ENPP3: variants seen among roughly 807,000 people sequenced by gnomAD.
ENPP3 encodes the protein ectonucleotide pyrophosphatase/phosphodiesterase 3.
A neutral mutation model predicts 117.8 loss-of-function variants in ENPP3; 104 were observed. That is an observed-to-expected ratio of 0.88 (90% CI 0.75 to 1.04). The LOEUF (loss-of-function observed/expected upper bound fraction) is 1.04. Among genes scored for constraint, ENPP3 ranks in the 50% least tolerant of loss-of-function variants. The probability of loss-of-function intolerance (pLI) is 0.00; values close to 1 mark genes in which losing one functional copy is unlikely to be tolerated. For synonymous variants in ENPP3, 380 were observed against 349.9 expected, an observed-to-expected ratio of 1.09 and a Z score of -0.96; for missense variants, 1,026 against 1,051.9, an observed-to-expected ratio of 0.98 and a Z score of 0.34.
At chr6:131,651,280 G>C (rs1300045579) in intron 3 of ENPP3, among the ~76,000 whole-genome samples, 1 of 152,096 alleles carries the variant, frequency 6.6e-6, no homozygotes, top group Non-Finnish European at 1.5e-5. Context: ...TGGGGGTTGG[G>C]ACTTCAACAT....
rs182901729 is a variant in ENPP3 at position 131,741,176 on chromosome 6, A to G, written c.2457+796A>G. ...TTCGACTTGCATATAAATTCCTTAT[A>G]GAAAAAATATGTATCCTGGAACTTA... On this transcript the variant is annotated intron_variant, in intron 24 of 24. Transcript: ENST00000357639. Among the ~76,000 whole-genome samples the G allele has an allele frequency of 1.4e-3, 213 of 152,360 alleles. 2 individuals carry two copies. The highest frequency in any genetic ancestry group is 5.0e-3 in the African/African-American group (208 of 41,588).
At chr6:131,739,825 C>T (rs1358226274) in intron 23 of ENPP3, among the ~76,000 whole-genome samples, 3 of 151,332 alleles carry the variant, frequency 2.0e-5, no homozygotes, top group Non-Finnish European at 2.9e-5. Context: ...CATGCCAACA[C>T]GTTGAGAGGC....
intron 15 of ENPP3, chr6:131,701,177 G>A (rs1779519723): frequency 2.3e-6 from 2 of 870,432 alleles, no homozygotes; most frequent in Non-Finnish European, 3.6e-6. Context: ...GGGGCACCGT[G>A]TTGCAGGCGT....
Position 131,726,158 on chromosome 6 carries a change from T to C in ENPP3, c.1911T>C (p.Ala637=). The part of the protein sequence containing the change: ...HREYVSGFGK[A]MRMPMWSSYT... ...AATATGTCAGTGGATTTGGAAAAGC[T>C]ATGAGGATGCCCATGTGGAGTTCAT... The change falls in exon 20 of 25, where the codon GCT becomes GCC. Residue 637 remains alanine, a synonymous_variant. Coordinates refer to ENST00000357639, the MANE Select transcript of ENPP3 (RefSeq NM_005021.5). 6.2e-7 allele frequency: 1 copy of C among 1,614,054 alleles called. No individual in the cohort carries two copies. Among genetic ancestry groups the C allele is most frequent in the Middle Eastern group, 1.6e-4 (1 of 6,062 alleles).
At chr6:131,683,483 G>A (rs970305852) in intron 12 of ENPP3, among the ~76,000 whole-genome samples, 12 of 152,074 alleles carry the variant, frequency 7.9e-5, no homozygotes, top group South Asian at 2.1e-4. Context: ...GCCATGATTC[G>A]TTTATGTAGA....
chr6:131,737,515 G>A (rs1780424784), intron 22 of ENPP3, 83 bp downstream of exon 22: 2 of 793,648 alleles, frequency 2.5e-6, no homozygotes, highest in Non-Finnish European at 4.2e-6. Flanking sequence ...TTTTTTAATT[G>A]CAATTTGTTC....
chr6:131,641,798 G>GGTTTTTTTTTTTTTTTTTTTTTT (rs1778047997), intron 2 of ENPP3, among the ~76,000 whole-genome samples: 1 of 88,386 alleles, frequency 1.1e-5, no homozygotes. Context: ...TCTCCACCCT[G>GGTTTTTTTTTTTTTTTTTTTTTT]GTTTTTTTTT....
intron 21 of ENPP3, among the ~76,000 whole-genome samples, chr6:131,736,134 C>T (rs1359491043): frequency 1.3e-5 from 2 of 152,200 alleles, no homozygotes; most frequent in Non-Finnish European, 2.9e-5. Context: ...CTGTGAGCAG[C>T]GGAGCTGGGG....
intron 5 of ENPP3, among the ~76,000 whole-genome samples, chr6:131,654,313 A>G (rs1562430786): frequency 6.6e-6 from 1 of 151,046 alleles, no homozygotes; most frequent in East Asian, 1.9e-4. Flanking sequence ...ATTTTTTTGT[A>G]TTTTTTTTGT....
rs765360414 is a variant in ENPP3 at position 131,726,197 on chromosome 6, G to C, written c.1950G>C (p.Gln650His). The change falls in exon 20 of 25, where the codon CAG becomes CAC. Residue 650 changes from glutamine (Q) to histidine (H), a missense_variant. Physicochemically the swap from Gln to His is conservative, Grantham distance 24 (BLOSUM62 0). Coordinates refer to ENST00000357639, the MANE Select transcript of ENPP3 (RefSeq NM_005021.5). ...TGTGGAGTTCATACACAGTCCCCCA[G>C]TTGGTAAGTTCCTGAGTCCATTGAT... is the stretch of plus-strand genomic sequence containing the variant. ...MPMWSSYTVP[Q>H]LGDTSPLPPT... is the part of the protein sequence containing the mutation. 1.6e-5 allele frequency: 26 copies of C among 1,613,322 alleles called. No individual in the cohort carries two copies. In the South Asian group the frequency reaches 2.6e-4, roughly 16 times the overall value.
At chr6:131,720,524 A>T (rs1178306196) in intron 17 of ENPP3, 145 bp downstream of exon 17, 1 of 494,846 alleles carries the variant, frequency 2.0e-6, no homozygotes, top group African/African-American at 2.0e-5. Context: ...AGAATTATTC[A>T]TTATTCAGAA....
chr6:131,694,391 G>A (rs955529306), intron 15 of ENPP3, among the ~76,000 whole-genome samples: 2 of 152,186 alleles, frequency 1.3e-5, no homozygotes, highest in Non-Finnish European at 2.9e-5. Flanking sequence ...TATACACTTT[G>A]TGATAGCTGA....
chr6:131,669,777 G>C (rs1184512623), intron 6 of ENPP3, among the ~76,000 whole-genome samples: 1 of 151,864 alleles, frequency 6.6e-6, no homozygotes, highest in Non-Finnish European at 1.5e-5. Context: ...CTTGATATGG[G>C]GCCCTAGAAG....
intron 3 of ENPP3, 34 bp from the exon 4 acceptor site, chr6:131,652,508 T>C (rs1363769557): frequency 6.2e-7 from 1 of 1,609,852 alleles, no homozygotes; most frequent in South Asian, 1.1e-5. Flanking sequence ...ACTGCAGGCT[T>C]AAATGCTCAG....
At chr6:131,737,227 A>G in intron 21 of ENPP3, 128 bp from the exon 22 acceptor site, 1 of 596,908 alleles carries the variant, frequency 1.7e-6, no homozygotes. Flanking sequence ...AACCTCTGTT[A>G]GAAAGTACTA....
intron 20 of ENPP3, among the ~76,000 whole-genome samples, chr6:131,732,044 T>G (rs1469432074): frequency 1.3e-5 from 2 of 152,212 alleles, no homozygotes; most frequent in Non-Finnish European, 2.9e-5. Context: ...CAGCATACAG[T>G]GTATGTTGCC....
chr6:131,659,580 A>C (rs1364799149), intron 6 of ENPP3, among the ~76,000 whole-genome samples: 1 of 152,210 alleles, frequency 6.6e-6, no homozygotes, highest in Admixed American at 6.5e-5. Flanking sequence ...TTGTAAAATG[A>C]AATGACTAGA....
chr6:131,676,385 T>C (rs1778868909), intron 9 of ENPP3, among the ~76,000 whole-genome samples: 2 of 152,224 alleles, frequency 1.3e-5, no homozygotes, highest in Admixed American at 1.3e-4. Flanking sequence ...TGATACATTC[T>C]GTTTTGAATG....
At chr6:131,692,962 G>C (rs1280978166) in intron 14 of ENPP3, among the ~76,000 whole-genome samples, 2 of 140,330 alleles carry the variant, frequency 1.4e-5, no homozygotes, top group South Asian at 2.2e-4. Context: ...CACTATATAT[G>C]ATATATAGTT....
Sources: gnomAD v4.1 joint callset for allele counts (sites outside exome capture counted in the v4.1 genomes callset) on GRCh38, gnomAD v4.1.1 for gene constraint, MANE v1.5 for transcripts, NCBI Gene and HGNC (gene_info 2026-07-23, HGNC 2026-07-21) for gene names.